CSMD1: variants seen among roughly 807,000 people sequenced by gnomAD.
CSMD1 encodes CUB and sushi domain-containing protein 1.
In CSMD1, 213 loss-of-function variants were observed where a neutral mutation model predicts 417.5. That is an observed-to-expected ratio of 0.51 (90% confidence interval 0.46 to 0.57). The LOEUF (loss-of-function observed/expected upper bound fraction) is 0.57, where lower values mean the gene tolerates loss of function less well. CSMD1 is among the 20% of genes least tolerant of loss of function. The pLI is 0.00. For synonymous variants in CSMD1, 2,862 were observed against 1,736.8 expected, an observed-to-expected ratio of 1.65 and a Z score of -16.11; for missense variants, 6,923 against 4,529.7, an observed-to-expected ratio of 1.53 and a Z score of -15.17.
chr8:4,639,510 C>A (rs1054723395), intron 1 of CSMD1, among the ~76,000 whole-genome samples: 3 of 152,172 alleles, frequency 2.0e-5, no homozygotes, highest in African/African-American at 7.2e-5. Context: ...CTCGCAAAAA[C>A]TGTCTATGTT....
intron 1 of CSMD1, among the ~76,000 whole-genome samples, chr8:4,844,323 G>C (rs1016526438): frequency 2.0e-5 from 3 of 152,086 alleles, no homozygotes; most frequent in African/African-American, 4.8e-5. Flanking sequence ...TGCCGTTATT[G>C]ATACATTTTG....
intron 2 of CSMD1, among the ~76,000 whole-genome samples, chr8:4,604,410 T>TGTGTGTGTGTGTGC (rs59349269): frequency 0.019 from 2,730 of 146,148 alleles, 92 homozygotes; most frequent in African/African-American, 0.065. Flanking sequence ...TGTGTGTGTG[T>TGTGTGTGTGTGTGC]GCGCGTGCGT....
intron 2 of CSMD1, among the ~76,000 whole-genome samples, chr8:4,535,559 G>C (rs75582878): frequency 0.12 from 17,567 of 152,026 alleles, 1,342 homozygotes; most frequent in Admixed American, 0.21. Context: ...AGCTCTCCAA[G>C]TTACTCGTAG....
rs532183351 is a variant in CSMD1, at chr8:4,293,924, G to A, written c.415+126029C>T. ...GGATGTCCTATTAGTGTCTACTGTA[G>A]AGCTTTCCACACTTTTAAACACTTT... On this transcript the variant is annotated intron_variant, in intron 3 of 69. Transcript: ENST00000635120. Among the ~76,000 whole-genome samples, 3 of 151,956 alleles carry A rather than the reference G, an allele frequency of 2.0e-5. No homozygotes were observed. The South Asian group carries it at 6.2e-4, about 31-fold the overall frequency.
intron 10 of CSMD1, among the ~76,000 whole-genome samples, chr8:3,564,479 G>T (rs1563158150): frequency 1.3e-5 from 2 of 149,164 alleles, no homozygotes; most frequent in South Asian, 4.2e-4. Flanking sequence ...CACTGATAAG[G>T]GATTAGTCTT....
intron 30 of CSMD1, among the ~76,000 whole-genome samples, chr8:3,206,226 G>C (rs111967600): frequency 7.3e-6 from 1 of 137,830 alleles, no homozygotes; most frequent in Non-Finnish European, 1.5e-5. Flanking sequence ...GTGTGTGTCT[G>C]TGTGTGTGTG....
At chr8:4,757,989 G>GAA (rs1811777425) in intron 1 of CSMD1, among the ~76,000 whole-genome samples, 1 of 149,300 alleles carries the variant, frequency 6.7e-6, no homozygotes, top group Admixed American at 6.7e-5. Flanking sequence ...AAGGAAAAGA[G>GAA]AAGAAAGCAC....
intron 2 of CSMD1, among the ~76,000 whole-genome samples, chr8:4,560,122 A>T (rs1333553150): frequency 6.6e-6 from 1 of 152,196 alleles, no homozygotes; most frequent in African/African-American, 2.4e-5. Context: ...TGCACCCTCC[A>T]AGCTGCTCCA....
intron 12 of CSMD1, among the ~76,000 whole-genome samples, chr8:3,467,615 C>T (rs551685111): frequency 6.6e-6 from 1 of 152,100 alleles, no homozygotes; most frequent in Non-Finnish European, 1.5e-5. Flanking sequence ...AGGAGGGACC[C>T]TATTTTATGC....
intron 4 of CSMD1, among the ~76,000 whole-genome samples, chr8:4,017,363 T>C (rs1796572935): frequency 6.6e-6 from 1 of 152,164 alleles, no homozygotes; most frequent in African/African-American, 2.4e-5. Context: ...TGGAGTGCAA[T>C]GGTGCGATCT....
At chr8:3,308,633 C>T (rs555061204) in intron 23 of CSMD1, 130 bp from the exon 24 acceptor site, 1 of 659,366 alleles carries the variant, frequency 1.5e-6, no homozygotes. Context: ...TGTGAATTTA[C>T]AAAGGGGAAA....
intron 18 of CSMD1, among the ~76,000 whole-genome samples, chr8:3,375,502 C>G (rs1400350555): frequency 6.6e-6 from 1 of 152,076 alleles, no homozygotes; most frequent in Non-Finnish European, 1.5e-5. Flanking sequence ...CATAGACTCT[C>G]CATGCCCTAC....
At chr8:4,493,505 G>A (rs1051622049) in intron 2 of CSMD1, among the ~76,000 whole-genome samples, 1 of 152,072 alleles carries the variant, frequency 6.6e-6, no homozygotes, top group Non-Finnish European at 1.5e-5. Context: ...AGAACACCCT[G>A]GGTAACATAT....
chr8:3,703,856 A>G lies in CSMD1; in HGVS notation c.1009+4558T>C, dbSNP rs1443509483. Among the ~76,000 whole-genome samples the G allele has an allele frequency of 4.6e-5, 7 of 152,204 alleles. No individual in the cohort carries two copies. The East Asian group carries it at 1.2e-3, about 25-fold the overall frequency. ...GAGGCCAAGGCAGGAAGATCACCTG[A>G]GGTCAGGAGTTTGAGACCAGCCTGG... On this transcript the variant is annotated intron_variant, in intron 7 of 69. Transcript: ENST00000635120.
chr8:4,770,973 A>G (rs1796570255), intron 1 of CSMD1, among the ~76,000 whole-genome samples: 1 of 152,198 alleles, frequency 6.6e-6, no homozygotes. Flanking sequence ...ATCACACTAA[A>G]AAGCTTCTGC....
chr8:4,211,394 A>G (rs891097228), intron 3 of CSMD1, among the ~76,000 whole-genome samples: 2 of 152,178 alleles, frequency 1.3e-5, no homozygotes, highest in African/African-American at 4.8e-5. Flanking sequence ...ATTTAAAATT[A>G]TTTTACCTAA....
At chr8:4,573,318 T>C (rs762848079) in intron 2 of CSMD1, among the ~76,000 whole-genome samples, 3 of 152,192 alleles carry the variant, frequency 2.0e-5, no homozygotes, top group Non-Finnish European at 2.9e-5. Flanking sequence ...GGGCATCCTT[T>C]TTGTTAATGT....
At chr8:3,370,010 T>A (rs574130128) in intron 18 of CSMD1, among the ~76,000 whole-genome samples, 1 of 152,318 alleles carries the variant, frequency 6.6e-6, no homozygotes, top group South Asian at 2.1e-4. Flanking sequence ...TTGCAATGAT[T>A]GCCATTGTAG....
chr8:4,240,064 T>G (rs1235169166), intron 3 of CSMD1, among the ~76,000 whole-genome samples: 2 of 152,244 alleles, frequency 1.3e-5, no homozygotes, highest in Non-Finnish European at 2.9e-5. Flanking sequence ...TTTTTATTAC[T>G]CAATTAAGCT....
Sources: allele counts gnomAD v4.1 joint callset (sites outside exome capture counted in the v4.1 genomes callset), GRCh38; gene constraint gnomAD v4.1.1; transcripts MANE v1.5; gene names NCBI Gene and HGNC (gene_info 2026-07-23, HGNC 2026-07-21).